BPIFB6: variants seen among roughly 807,000 people sequenced by gnomAD.
BPIFB6 encodes BPI fold-containing family B member 6.
A neutral mutation model predicts 54.7 loss-of-function variants in BPIFB6; 47 were observed. The observed-to-expected ratio is 0.86, with a 90% CI of 0.68 to 1.10. The LOEUF is 1.10. BPIFB6 is among the 50% of genes least tolerant of loss of function. The probability of loss-of-function intolerance (pLI) is 0.00; values close to 1 mark genes in which losing one functional copy is unlikely to be tolerated. For missense variants in BPIFB6, 603 were observed against 564.1 expected (o/e 1.07, Z -0.70); for synonymous variants, 255 against 225.9 (o/e 1.13, Z -1.16).
At chr20:33,033,839 C>G (rs143823601) in intron 2 of BPIFB6, among the ~76,000 whole-genome samples, 62 of 152,222 alleles carry the variant, frequency 4.1e-4, no homozygotes, top group Non-Finnish European at 7.4e-4. Flanking sequence ...TTATCCTGCC[C>G]AAAATGTGGA....
intron 8 of BPIFB6, 82 bp from the exon 9 acceptor site, chr20:33,038,827 A>C (rs1979453015): frequency 7.5e-7 from 1 of 1,328,688 alleles, no homozygotes; most frequent in Admixed American, 1.7e-5. Context: ...CAAAGGGTAC[A>C]CCTTGTTAAG....
intron 8 of BPIFB6, 62 bp from the exon 9 acceptor site, chr20:33,038,847 A>T (rs372961092): frequency 1.4e-6 from 2 of 1,469,546 alleles, no homozygotes; most frequent in African/African-American, 2.8e-5. Flanking sequence ...GTCAGTGGAG[A>T]TGTTTGTTAG....
At chr20:33,034,151 A>T (rs1301499358) in intron 2 of BPIFB6, 35 bp from the exon 3 acceptor site, 1 of 1,511,408 alleles carries the variant, frequency 6.6e-7, no homozygotes, top group Non-Finnish European at 9.2e-7. Context: ...TTGCCTGCTC[A>T]GATCTTATTG....
chr20:33,035,898 A>G (rs1163815508), intron 6 of BPIFB6, among the ~76,000 whole-genome samples: 1 of 151,900 alleles, frequency 6.6e-6, no homozygotes. Flanking sequence ...TGCATCCTGA[A>G]CCCCACAAGA....
At chr20:33,038,807 A>C (rs1979451695) in intron 8 of BPIFB6, 102 bp from the exon 9 acceptor site, 2 of 1,114,552 alleles carry the variant, frequency 1.8e-6, no homozygotes, top group Admixed American at 1.7e-5. Flanking sequence ...TATTGTGATG[A>C]AGGGAGCCTC....
chr20:33,031,832 G>A, intron 1 of BPIFB6, 88 bp downstream of exon 1: 7 of 1,041,824 alleles, frequency 6.7e-6, no homozygotes, highest in Non-Finnish European at 8.9e-6. Context: ...TGCACATCCT[G>A]GAGCATCCCG....
intron 8 of BPIFB6, among the ~76,000 whole-genome samples, 199 bp downstream of exon 8, chr20:33,037,937 T>A (rs1246936787): frequency 6.6e-6 from 1 of 152,254 alleles, no homozygotes; most frequent in African/African-American, 2.4e-5. Flanking sequence ...TCTACTCATC[T>A]GTACATCCAT....
intron 2 of BPIFB6, chr20:33,033,409 A>G: frequency 2.1e-6 from 1 of 469,840 alleles, no homozygotes; most frequent in South Asian, 1.5e-5. Flanking sequence ...AAACATCCTC[A>G]AATGGTAGAG....
rs1979477523 is a variant in BPIFB6 at position 33,039,357 on chromosome 20, C to G, written c.911C>G (p.Ala304Gly). ...TTCTGGTTTCTGTAGGTGGCTGTAG[C>G]TTATCCCAAGTCAAAGCCCTTGACG... ...LARFIPEVAV[A>G]YPKSKPLTTQ... Residue 304 changes from alanine (A) to glycine (G), a missense_variant, in exon 10 of 15, where the codon GCT becomes GGT. By Grantham distance (60) the Ala-to-Gly change is moderately conservative. Coordinates refer to ENST00000349552, the MANE Select transcript of BPIFB6 (RefSeq NM_174897.2). 1 of 1,611,276 alleles carries G rather than the reference C, an allele frequency of 6.2e-7. No homozygotes were observed. Among genetic ancestry groups the G allele is most frequent in the Admixed American group, 1.7e-5 (1 of 59,290 alleles).
At chr20:33,034,742 C>T (rs1979255060) in intron 3 of BPIFB6, 21 bp from the exon 4 acceptor site, 2 of 1,580,926 alleles carry the variant, frequency 1.3e-6, no homozygotes, top group African/African-American at 2.7e-5. Flanking sequence ...GCCCATGGTG[C>T]CCTCCTGCTC....
chr20:33,033,993 T>A (rs1278079153), intron 2 of BPIFB6, among the ~76,000 whole-genome samples, 193 bp from the exon 3 acceptor site: 1 of 152,124 alleles, frequency 6.6e-6, no homozygotes, highest in Admixed American at 6.5e-5. Flanking sequence ...GAGTGCTTTC[T>A]ATATACAAAT....
intron 8 of BPIFB6, among the ~76,000 whole-genome samples, chr20:33,038,500 A>G (rs1390862312): frequency 6.6e-6 from 1 of 151,862 alleles, no homozygotes; most frequent in African/African-American, 2.4e-5. Context: ...TCATCCATCC[A>G]TGTATTCTTC....
intron 3 of BPIFB6, 95 bp downstream of exon 3, chr20:33,034,385 G>T (rs111673221): frequency 2.2e-6 from 2 of 903,852 alleles, no homozygotes; most frequent in African/African-American, 1.6e-5. Context: ...TGTACCATCT[G>T]AGTGTTGTAA....
intron 5 of BPIFB6, among the ~76,000 whole-genome samples, chr20:33,035,364 C>T (rs6059034): frequency 0.41 from 61,620 of 152,058 alleles, 12,982 homozygotes; most frequent in East Asian, 0.74. Context: ...GCACAGCTTG[C>T]CAACCGTGCT....
At chr20:33,035,463 C>T (rs1026176480) in intron 5 of BPIFB6, 149 bp from the exon 6 acceptor site, 2 of 801,368 alleles carry the variant, frequency 2.5e-6, no homozygotes, top group Non-Finnish European at 2.1e-6. Flanking sequence ...CGAGCTCTGC[C>T]ATTTACTTTC....
At chr20:33,035,165 C>T (rs1184331172) in intron 5 of BPIFB6, 21 bp downstream of exon 5, 2 of 1,612,104 alleles carry the variant, frequency 1.2e-6, no homozygotes, top group South Asian at 1.1e-5. Flanking sequence ...CAGAGAAAGC[C>T]TCCACCCCTC....
At chr20:33,040,417 C>T (rs1979532721) in intron 11 of BPIFB6, 99 bp downstream of exon 11, 15 of 1,087,322 alleles carry the variant, frequency 1.4e-5, no homozygotes, top group Non-Finnish European at 2.1e-5. Context: ...ACCCAGCACA[C>T]CCCCAACTAC....
intron 6 of BPIFB6, 144 bp downstream of exon 6, chr20:33,035,816 C>A (rs978251339): frequency 5.8e-6 from 5 of 863,690 alleles, no homozygotes; most frequent in African/African-American, 1.7e-5. Flanking sequence ...TTCATCCCCC[C>A]ACTGTCCCGA....
In BPIFB6 at chr20:33,037,734, C is replaced by A. The variant is rs1259722642; in HGVS notation, c.842C>A (p.Thr281Lys). The change falls in exon 8 of 15, where the codon ACA (threonine) becomes AAA (lysine). Residue 281 changes from threonine (T) to lysine (K), a missense_variant. Coordinates refer to ENST00000349552, the MANE Select transcript of BPIFB6 (RefSeq NM_174897.2). ...TCCTTTCATGTGAATATCCAGGATA[C>A]AATGGTGAGCTGTCCAGTTCCCCAT... ...QKSFHVNIQD[T>K]MIGELPPQTT... 2 of 1,614,072 alleles carry A rather than the reference C, an allele frequency of 1.2e-6. No homozygotes were observed. The highest frequency in any genetic ancestry group is 1.1e-5 in the South Asian group (1 of 91,062).
Sources: gnomAD v4.1 joint callset for allele counts (sites outside exome capture counted in the v4.1 genomes callset) on GRCh38, gnomAD v4.1.1 for gene constraint, MANE v1.5 for transcripts, NCBI Gene and HGNC (gene_info 2026-07-23, HGNC 2026-07-21) for gene names.